STK10: variants seen among roughly 807,000 people sequenced by gnomAD.
The protein encoded by STK10 is serine/threonine-protein kinase 10.
STK10 carries 78 observed loss-of-function variants against 113.8 expected under a neutral mutation model. That is an observed-to-expected ratio of 0.69 (90% CI 0.57 to 0.83). STK10 has a LOEUF of 0.83. STK10 is among the 40% of genes least tolerant of loss of function. The pLI, the probability that STK10 is intolerant of heterozygous loss-of-function variation, is 0.00. For synonymous variants in STK10, 465 were observed against 494.7 expected (o/e 0.94, Z 0.80); for missense variants, 1,109 against 1,280.1 (o/e 0.87, Z 2.04).
chr5:172,177,407 C>A (rs1174289281), intron 1 of STK10, among the ~76,000 whole-genome samples: 2 of 152,338 alleles, frequency 1.3e-5, no homozygotes, highest in South Asian at 4.1e-4. Flanking sequence ...ATGAGCCACG[C>A]CCCCAAATGC....
At chr5:172,146,665 C>A (rs1212348669) in intron 2 of STK10, among the ~76,000 whole-genome samples, 1 of 152,236 alleles carries the variant, frequency 6.6e-6, no homozygotes, top group Non-Finnish European at 1.5e-5. Flanking sequence ...GGGAATAGGG[C>A]CCGTGGGGCC....
chr5:172,127,881 C>T (rs1481832243), intron 2 of STK10, among the ~76,000 whole-genome samples: 1 of 152,244 alleles, frequency 6.6e-6, no homozygotes, highest in Admixed American at 6.5e-5. Flanking sequence ...CTTCCAGAAC[C>T]CTGGACCTTG....
chr5:172,101,407 G>C (rs910038154), intron 7 of STK10, among the ~76,000 whole-genome samples: 6 of 151,456 alleles, frequency 4.0e-5, no homozygotes, highest in African/African-American at 1.2e-4. Flanking sequence ...GGGGGTGGAG[G>C]CTGCGGTAAG....
intron 4 of STK10, among the ~76,000 whole-genome samples, chr5:172,115,688 T>C (rs1213302157): frequency 6.6e-6 from 1 of 152,200 alleles, no homozygotes; most frequent in African/African-American, 2.4e-5. Flanking sequence ...TGAACCCCAG[T>C]TGTTCCTCTT....
intron 12 of STK10, among the ~76,000 whole-genome samples, chr5:172,074,036 A>C (rs1193640251): frequency 6.6e-6 from 1 of 151,892 alleles, no homozygotes; most frequent in South Asian, 2.1e-4. Context: ...GCTCAAATTA[A>C]AAACACTAAG....
At chr5:172,128,803 C>T (rs996695023) in intron 2 of STK10, among the ~76,000 whole-genome samples, 5 of 152,196 alleles carry the variant, frequency 3.3e-5, no homozygotes, top group African/African-American at 7.2e-5. Context: ...AGAAGACCCA[C>T]GCTGTCTCTA....
At chr5:172,057,129 T>C (rs1581133588) in intron 15 of STK10, 1 of 564,532 alleles carries the variant, frequency 1.8e-6, no homozygotes. Flanking sequence ...CTTGGGCCAT[T>C]GGCTTCCCTG....
intron 3 of STK10, among the ~76,000 whole-genome samples, chr5:172,121,336 T>TTTTGTTTGTTTTTG (rs1354910245): frequency 6.6e-6 from 1 of 151,864 alleles, no homozygotes; most frequent in East Asian, 1.9e-4. Flanking sequence ...CAGCCTAATT[T>TTTTGTTTGTTTTTG]TTTGTTTGTT....
chr5:172,079,574 T>TTTATTTATTTA (rs376382909), intron 12 of STK10, among the ~76,000 whole-genome samples: 4,259 of 147,674 alleles, frequency 0.029, 63 homozygotes, highest in Middle Eastern at 0.041. Flanking sequence ...TATTTATTTA[T>TTTATTTATTTA]TTTTGAGATG....
chr5:172,150,064 AAAAG>A (rs1266041258), intron 2 of STK10, among the ~76,000 whole-genome samples: 1 of 150,024 alleles, frequency 6.7e-6, no homozygotes, highest in Non-Finnish European at 1.5e-5. Context: ...AAAAAAAAAA[AAAAG>A]AAAGAAAGAC....
intron 7 of STK10, among the ~76,000 whole-genome samples, chr5:172,099,564 A>C (rs1017902361): frequency 2.6e-5 from 4 of 152,080 alleles, no homozygotes; most frequent in African/African-American, 9.7e-5. Flanking sequence ...GAAAAAGAAA[A>C]GCCTGTTTTG....
chr5:172,135,533 A>G (rs1012838119), intron 2 of STK10, among the ~76,000 whole-genome samples: 1 of 152,082 alleles, frequency 6.6e-6, no homozygotes, highest in African/African-American at 2.4e-5. Flanking sequence ...GATAAACAAC[A>G]GTAAGTGTTG....
At chr5:172,136,723 A>G (rs1181404284) in intron 2 of STK10, among the ~76,000 whole-genome samples, 1 of 152,238 alleles carries the variant, frequency 6.6e-6, no homozygotes. Flanking sequence ...TTGCTTATAT[A>G]TAACAAAAAT....
At chr5:172,085,943 C>T (rs1160449317) in intron 10 of STK10, among the ~76,000 whole-genome samples, 1 of 152,026 alleles carries the variant, frequency 6.6e-6, no homozygotes, top group Non-Finnish European at 1.5e-5. Context: ...ACAGAACTGC[C>T]CCCCAAGAGC....
chr5:172,105,833 A>G (rs1408277831), intron 6 of STK10, 96 bp from the exon 7 acceptor site: 2 of 1,107,268 alleles, frequency 1.8e-6, no homozygotes, highest in Non-Finnish European at 2.7e-6. Context: ...ATGCCCCTCA[A>G]AGGACAGAGG....
intron 12 of STK10, among the ~76,000 whole-genome samples, chr5:172,080,339 C>CTGA (rs1166654224): frequency 6.6e-6 from 1 of 152,178 alleles, no homozygotes; most frequent in Admixed American, 6.5e-5. Flanking sequence ...ACAATGGCCT[C>CTGA]TAAGTGTTCA....
chr5:172,119,932 A>G (rs1321604648), intron 3 of STK10, among the ~76,000 whole-genome samples: 3 of 152,204 alleles, frequency 2.0e-5, no homozygotes, highest in Non-Finnish European at 4.4e-5. Context: ...CTTGCTGGGC[A>G]GCAGGGGCAG....
At position 172,079,870 on chromosome 5, in the gene STK10, AT is replaced by A. The variant is rs1357539012; in HGVS notation, c.1989+2455del. ...AGCCATGGCACCCGGCTGCATTAAA[AT>A]TTTTTTTATCTTGATGACTGAGTTT... On this transcript the variant is annotated intron_variant, in intron 12 of 18. Transcript: ENST00000176763. Among the ~76,000 whole-genome samples the A allele has an allele frequency of 3.3e-5, 5 of 151,916 alleles. No individual in the cohort carries two copies. In the East Asian group the frequency reaches 7.7e-4, roughly 23 times the overall value.
chr5:172,085,762 C>A (rs1342633988), intron 10 of STK10, among the ~76,000 whole-genome samples: 5 of 151,982 alleles, frequency 3.3e-5, no homozygotes, highest in African/African-American at 1.2e-4. Flanking sequence ...AACCAAACTA[C>A]TACAGAAAGA....
Sources: allele counts gnomAD v4.1 joint callset (sites outside exome capture counted in the v4.1 genomes callset), GRCh38; gene constraint gnomAD v4.1.1; transcripts MANE v1.5; gene names NCBI Gene and HGNC (gene_info 2026-07-23, HGNC 2026-07-21).